The following ITPK1 variants were observed in gnomAD, a reference collection of about 807,000 sequenced individuals.
ITPK1 encodes inositol 1,3,4-trisphosphate 5/6-kinase.
ITPK1 carries 21 observed loss-of-function variants against 45.3 expected under a neutral mutation model. The observed-to-expected ratio is 0.46, with a 90% CI of 0.33 to 0.67. The LOEUF is 0.67. Ranked by LOEUF, ITPK1 falls within the 30% of genes least tolerant of loss-of-function variation. The pLI is 0.02. For synonymous variants in ITPK1, 258 were observed against 253.6 expected, an observed-to-expected ratio of 1.02 and a Z score of -0.16; for missense variants, 474 against 573.5, an observed-to-expected ratio of 0.83 and a Z score of 1.77.
chr14:93,051,045 C>T (rs1889982793), intron 3 of ITPK1, among the ~76,000 whole-genome samples: 1 of 152,130 alleles, frequency 6.6e-6, no homozygotes, highest in Non-Finnish European at 1.5e-5. Context: ...CAGCACAGGG[C>T]CCGGCCTGCC....
At chr14:93,057,995 G>A (rs891437290) in intron 3 of ITPK1, among the ~76,000 whole-genome samples, 2 of 152,258 alleles carry the variant, frequency 1.3e-5, no homozygotes, top group Admixed American at 6.5e-5. Flanking sequence ...CTTCCCAGGC[G>A]GCCCCATGGT....
chr14:92,966,274 G>T (rs1363126618), intron 5 of ITPK1, among the ~76,000 whole-genome samples: 1 of 152,144 alleles, frequency 6.6e-6, no homozygotes, highest in Non-Finnish European at 1.5e-5. Context: ...TTACAGGTGT[G>T]AGCTACCATG....
chr14:93,004,631 C>T (rs113712868), intron 4 of ITPK1, among the ~76,000 whole-genome samples: 22 of 151,650 alleles, frequency 1.5e-4, no homozygotes, highest in Admixed American at 3.3e-4. Flanking sequence ...TGTGTGTGTG[C>T]GTGCGTGTGT....
chr14:93,054,951 C>A (rs1303655414), intron 3 of ITPK1, among the ~76,000 whole-genome samples: 1 of 152,118 alleles, frequency 6.6e-6, no homozygotes, highest in Non-Finnish European at 1.5e-5. Flanking sequence ...TGCAAGACAC[C>A]AGCAGGCTCC....
intron 3 of ITPK1, among the ~76,000 whole-genome samples, chr14:93,055,085 C>T (rs1026037822): frequency 1.3e-5 from 2 of 152,212 alleles, no homozygotes; most frequent in Non-Finnish European, 2.9e-5. Context: ...TACGCCTCTG[C>T]ACCTGGCATC....
chr14:93,060,858 G>A (rs998447031), intron 3 of ITPK1, among the ~76,000 whole-genome samples: 21 of 152,260 alleles, frequency 1.4e-4, no homozygotes, highest in Admixed American at 3.9e-4. Context: ...AAAATAGGGA[G>A]AATAATAAAT....
At chr14:93,022,324 G>T (rs529699138) in intron 3 of ITPK1, among the ~76,000 whole-genome samples, 1 of 152,186 alleles carries the variant, frequency 6.6e-6, no homozygotes, top group Non-Finnish European at 1.5e-5. Flanking sequence ...GACACAGAGA[G>T]CATGTGTGAA....
chr14:93,019,597 G>A (rs1203623130), intron 3 of ITPK1, among the ~76,000 whole-genome samples: 1 of 152,236 alleles, frequency 6.6e-6, no homozygotes, highest in Non-Finnish European at 1.5e-5. Context: ...GGTACCAGCA[G>A]GGCTGCTGGC....
intron 3 of ITPK1, among the ~76,000 whole-genome samples, chr14:93,061,499 AG>A (rs1890522797): frequency 6.6e-6 from 1 of 152,178 alleles, no homozygotes; most frequent in Non-Finnish European, 1.5e-5. Flanking sequence ...GGTCTGGGGC[AG>A]GAGTGAGAAA....
intron 3 of ITPK1, among the ~76,000 whole-genome samples, chr14:93,018,092 A>AC (rs1888277646): frequency 6.6e-6 from 1 of 152,110 alleles, no homozygotes; most frequent in Non-Finnish European, 1.5e-5. Context: ...CTCTCAGGCC[A>AC]CAATCACCTG....
At chr14:92,956,398 T>G (rs1884728868) in intron 8 of ITPK1, among the ~76,000 whole-genome samples, 2 of 152,054 alleles carry the variant, frequency 1.3e-5, no homozygotes, top group East Asian at 3.9e-4. Flanking sequence ...TTCAAAGAAC[T>G]GGGACTACAG....
At position 93,113,933 on chromosome 14, in the gene ITPK1, A is replaced by T. The variant is rs752583970; in HGVS notation, c.95+1136T>A. ...GGCCCTTGGGAAAGGCATGAGGCAC[A>T]CAGAGGTGCTGCCAGGCTCACCTGC... On this transcript the variant is annotated intron_variant, in intron 2 of 10. Coordinates refer to ENST00000267615, the MANE Select transcript of ITPK1 (RefSeq NM_014216.6). Among the ~76,000 whole-genome samples the T allele has an allele frequency of 3.9e-5, 6 of 152,230 alleles. No individual in the cohort carries two copies. In the East Asian group the frequency reaches 7.7e-4, roughly 20 times the overall value.
chr14:93,073,026 C>G (rs926664606), intron 3 of ITPK1, among the ~76,000 whole-genome samples: 1 of 152,256 alleles, frequency 6.6e-6, no homozygotes, highest in Non-Finnish European at 1.5e-5. Context: ...GTTTTATGCC[C>G]TGAGGTCTCA....
intron 5 of ITPK1, among the ~76,000 whole-genome samples, chr14:92,987,445 G>T (rs952529909): frequency 6.6e-6 from 1 of 152,186 alleles, no homozygotes; most frequent in Non-Finnish European, 1.5e-5. Context: ...AGGTCCTGGG[G>T]GCTGACAGGG....
intron 3 of ITPK1, among the ~76,000 whole-genome samples, chr14:93,025,557 G>A (rs1043428911): frequency 3.3e-5 from 5 of 152,120 alleles, no homozygotes; most frequent in Non-Finnish European, 5.9e-5. Context: ...TCCTCCGGAT[G>A]AGCACTCCAG....
intron 7 of ITPK1, among the ~76,000 whole-genome samples, chr14:92,961,960 C>T (rs1026756317): frequency 6.6e-6 from 1 of 152,246 alleles, no homozygotes. Context: ...AGAGAGCCCT[C>T]ACCAGAAACT....
At chr14:93,110,959 C>T (rs905363112) in intron 2 of ITPK1, among the ~76,000 whole-genome samples, 1 of 152,126 alleles carries the variant, frequency 6.6e-6, no homozygotes, top group Non-Finnish European at 1.5e-5. Context: ...TATAGACTCC[C>T]GGAGCCTCTG....
rs74072550 is a variant in ITPK1, at chr14:93,054,210, C to T, written c.120+22385G>A. ...AGTCACCCACGTGTAGCTGCTTTGA[C>T]GTCATCTGTAAACAGGGTACTGTGG... On this transcript the variant is annotated intron_variant, in intron 3 of 10. Transcript: ENST00000267615. 5.5e-3 allele frequency among the ~76,000 whole-genome samples: 832 copies of T among 152,340 alleles called. 10 individuals are homozygous for T. Among genetic ancestry groups the T allele is most frequent in the African/African-American group, 0.019 (799 of 41,572 alleles).
intron 5 of ITPK1, among the ~76,000 whole-genome samples, chr14:92,975,396 C>T (rs1338467189): frequency 1.3e-5 from 2 of 152,170 alleles, no homozygotes; most frequent in Non-Finnish European, 2.9e-5. Context: ...CTGATGGAGG[C>T]AGATGAGGCA....
Sources: gnomAD v4.1 joint callset for allele counts (sites outside exome capture counted in the v4.1 genomes callset) on GRCh38, gnomAD v4.1.1 for gene constraint, MANE v1.5 for transcripts, NCBI Gene and HGNC (gene_info 2026-07-23, HGNC 2026-07-21) for gene names.